SAP18: variants seen among roughly 807,000 people sequenced by gnomAD.
SAP18 encodes histone deacetylase complex subunit SAP18.
SAP18 carries 4 observed loss-of-function variants against 18.6 expected under a neutral mutation model. The observed-to-expected ratio is 0.21, with a 90% CI of 0.11 to 0.49. The LOEUF (loss-of-function observed/expected upper bound fraction) is 0.49. SAP18 is among the 20% of genes least tolerant of loss of function. The probability of loss-of-function intolerance (pLI) is 0.98; values close to 1 mark genes in which losing one functional copy is unlikely to be tolerated. For synonymous variants in SAP18, 112 were observed against 82.8 expected (o/e 1.35, Z -1.92); for missense variants, 170 against 226.4 (o/e 0.75, Z 1.60).
At chr13:21,143,432 A>G (rs566038332) in intron 2 of SAP18, among the ~76,000 whole-genome samples, 1 of 152,312 alleles carries the variant, frequency 6.6e-6, no homozygotes, top group South Asian at 2.1e-4. Flanking sequence ...TTTATGTAGT[A>G]GTATGATACC....
In SAP18 at chr13:21,140,845, G is replaced by C. The variant is rs572997131; in HGVS notation, c.130-41G>C. ...GAGATGAGCTCCGGGTTCGCAGCTGGTGTTTTTAACTTCTGCCCTTCCGTT... is the reference window on the plus strand; with the variant it reads ...GAGATGAGCTCCGGGTTCGCAGCTGCTGTTTTTAACTTCTGCCCTTCCGTT... On this transcript the variant is annotated intron_variant, in intron 1 of 3. Coordinates refer to ENST00000621421, the Ensembl canonical transcript of SAP18. 5 of 1,585,734 alleles carry C rather than the reference G, an allele frequency of 3.2e-6. No homozygotes were observed. The South Asian group carries it at 5.5e-5, about 18-fold the overall frequency.
exon 4 of SAP18, chr13:21,148,979 G>C (rs866716345): frequency 2.0e-5 from 3 of 152,116 alleles, no homozygotes; most frequent in Admixed American, 6.6e-5. Flanking sequence ...AGAATCAAAA[G>C]ACTTGTACTA....
At chr13:21,140,601 A>G (rs767650009) in exon 1 of SAP18, 4 of 1,611,498 alleles carry the variant, frequency 2.5e-6, no homozygotes, top group South Asian at 1.1e-5. Flanking sequence ...CGCAGGCCGT[A>G]GGAGGAAGAT....
chr13:21,146,154 A>G (rs928699808), intron 2 of SAP18, among the ~76,000 whole-genome samples: 34 of 152,114 alleles, frequency 2.2e-4, no homozygotes, highest in African/African-American at 8.2e-4. Flanking sequence ...CGAGACCAGC[A>G]TGGCCAACAT....
chr13:21,142,402 C>T (rs1160758288), intron 2 of SAP18, among the ~76,000 whole-genome samples: 1 of 151,826 alleles, frequency 6.6e-6, no homozygotes, highest in Non-Finnish European at 1.5e-5. Flanking sequence ...TCTCAGCTCA[C>T]TGCAACCTCT....
exon 1 of SAP18, chr13:21,140,528 T>C (rs1869410564): frequency 6.4e-7 from 1 of 1,562,414 alleles, no homozygotes; most frequent in South Asian, 1.2e-5. Flanking sequence ...GTGTCGAGCT[T>C]CTCCTCGCGA....
chr13:21,141,321 G>C (rs148171961), intron 2 of SAP18: 8 of 348,886 alleles, frequency 2.3e-5, no homozygotes, highest in Middle Eastern at 9.2e-4. Flanking sequence ...GGGACTCATA[G>C]TCAAATAAAT....
At chr13:21,144,315 G>T (rs2137338112) in intron 2 of SAP18, among the ~76,000 whole-genome samples, 1 of 146,136 alleles carries the variant, frequency 6.8e-6, no homozygotes, top group Non-Finnish European at 1.5e-5. Flanking sequence ...TGAGGCAGGA[G>T]AATTGCTTGA....
rs368713060 is a variant in SAP18, at chr13:21,143,547, A to C, written c.239+2552A>C. ...TGATGAAAATCTCTTCAGAAATTAA[A>C]GTGTATGTTTCTTCCAACAAGAGTT... On this transcript the variant is annotated intron_variant, in intron 2 of 3. Coordinates refer to ENST00000621421, the Ensembl canonical transcript of SAP18. Among the ~76,000 whole-genome samples, 5 of 152,314 alleles carry C rather than the reference A, an allele frequency of 3.3e-5. No individual in the cohort carries two copies. In the East Asian group the frequency reaches 7.7e-4, roughly 24 times the overall value.
intron 1 of SAP18, 34 bp from the exon 2 acceptor site, chr13:21,140,852 T>G (rs1869439637): frequency 6.3e-7 from 1 of 1,596,632 alleles, no homozygotes; most frequent in Non-Finnish European, 8.6e-7. Flanking sequence ...CTGGTGTTTT[T>G]AACTTCTGCC....
intron 2 of SAP18, chr13:21,141,248 C>G (rs1035473079): frequency 8.8e-5 from 47 of 534,942 alleles, no homozygotes; most frequent in Non-Finnish European, 1.6e-4. Context: ...ATTGCTGTCA[C>G]TGTTATGGCT....
exon 1 of SAP18, chr13:21,140,535 G>T (rs1457919628): frequency 1.9e-6 from 3 of 1,568,218 alleles, no homozygotes; most frequent in Non-Finnish European, 8.6e-7. Flanking sequence ...GCTTCTCCTC[G>T]CGAGAGACTT....
In SAP18 at chr13:21,140,721, G is replaced by A. The variant is rs763957224; in HGVS notation, c.129+40G>A. 10 of 1,602,358 alleles carry A rather than the reference G, an allele frequency of 6.2e-6. No individual in the cohort carries two copies. The South Asian group carries it at 8.9e-5, about 14-fold the overall frequency. On this transcript the variant is annotated intron_variant, in intron 1 of 3. Transcript: ENST00000621421. ...CGCTTTGGGGTCCGGGAAGAGGTTG[G>A]GGATGAGTCCCGCAGGGTGCAGAGG...
exon 4 of SAP18, chr13:21,147,705 A>G (rs1869697139): frequency 5.8e-6 from 1 of 172,138 alleles, no homozygotes; most frequent in Non-Finnish European, 1.2e-5. Flanking sequence ...AAGCCACGGG[A>G]TTGTATGAAA....
chr13:21,141,450 A>G (rs1869460700), intron 2 of SAP18: 1 of 174,270 alleles, frequency 5.7e-6, no homozygotes, highest in South Asian at 1.1e-4. Context: ...TGAAAAATAA[A>G]CTACCAAAAC....
rs200122454 is a variant in SAP18 at position 21,140,515 on chromosome 13, A to G, written c.-38A>G. ...CCCCGCCCAGCCCCTGGCCGACTATAAAGTGTCGAGCTTCTCCTCGCGAGA... is the reference window on the plus strand; with the variant it reads ...CCCCGCCCAGCCCCTGGCCGACTATGAAGTGTCGAGCTTCTCCTCGCGAGA... On this transcript the variant is annotated 5_prime_UTR_variant, in exon 1 of 4. The change creates a new upstream start codon in the 5' untranslated region. Coordinates refer to ENST00000621421, the Ensembl canonical transcript of SAP18. 9.0e-4 allele frequency: 1,401 copies of G among 1,552,638 alleles called. 15 individuals are homozygous for G. Among genetic ancestry groups the G allele is most frequent in the Non-Finnish European group, 1.5e-4 (170 of 1,148,352 alleles).
chr13:21,140,491 C>T, upstream of SAP18: 4 of 1,504,950 alleles, frequency 2.7e-6, no homozygotes, highest in South Asian at 4.9e-5. Context: ...CAGGAGACGC[C>T]CCGCCCAGCC....
chr13:21,142,991 C>CTA (rs1477299352), intron 2 of SAP18, among the ~76,000 whole-genome samples: 1 of 152,184 alleles, frequency 6.6e-6, no homozygotes, highest in Non-Finnish European at 1.5e-5. Context: ...TCAGTGAACT[C>CTA]ATTACAGTAT....
At chr13:21,146,623 G>A (rs141825586) in intron 2 of SAP18, 182 bp from the exon 3 acceptor site, 308 of 440,126 alleles carry the variant, frequency 7.0e-4, no homozygotes, top group African/African-American at 5.2e-3. Flanking sequence ...GCTGGTACAT[G>A]GAGTTTTTGG....
Sources: allele counts gnomAD v4.1 joint callset (sites outside exome capture counted in the v4.1 genomes callset), GRCh38; gene constraint gnomAD v4.1.1; transcripts MANE v1.5; gene names NCBI Gene and HGNC (gene_info 2026-07-23, HGNC 2026-07-21).